The following NMNAT2 variants were observed in gnomAD, a reference collection of about 807,000 sequenced individuals.
NMNAT2 encodes nicotinamide/nicotinic acid mononucleotide adenylyltransferase 2.
Under a neutral mutation model 41.6 loss-of-function variants are expected in NMNAT2, and 11 were observed. The observed-to-expected ratio is 0.26, with a 90% CI of 0.17 to 0.44. NMNAT2 has a LOEUF of 0.44. Ranked by LOEUF, NMNAT2 falls within the 20% of genes least tolerant of loss-of-function variation. NMNAT2 has a pLI of 1.00. For synonymous variants in NMNAT2, 148 were observed against 151.2 expected (o/e 0.98, Z 0.16); for missense variants, 288 against 407.7 (o/e 0.71, Z 2.53).
intron 1 of NMNAT2, among the ~76,000 whole-genome samples, chr1:183,305,328 G>C (rs1361358612): frequency 6.6e-6 from 1 of 152,132 alleles, no homozygotes; most frequent in Non-Finnish European, 1.5e-5. Flanking sequence ...TAGAGTGGAA[G>C]GTGGGGAGGA....
At chr1:183,358,082 G>A (rs561687336) in intron 1 of NMNAT2, among the ~76,000 whole-genome samples, 60 of 152,308 alleles carry the variant, frequency 3.9e-4, no homozygotes, top group African/African-American at 1.4e-3. Context: ...GGAATACTAT[G>A]CAGCCATAAC....
intron 1 of NMNAT2, among the ~76,000 whole-genome samples, chr1:183,322,528 C>G (rs879892386): frequency 6.6e-6 from 1 of 152,178 alleles, no homozygotes; most frequent in Non-Finnish European, 1.5e-5. Context: ...TACTCCTGCT[C>G]CTCCAAAGCT....
intron 1 of NMNAT2, among the ~76,000 whole-genome samples, chr1:183,359,903 G>A (rs1441374481): frequency 6.6e-6 from 1 of 152,136 alleles, no homozygotes; most frequent in East Asian, 1.9e-4. Flanking sequence ...TTTTCTCACA[G>A]CATTTTAGAA....
intron 1 of NMNAT2, chr1:183,305,021 C>T: frequency 2.5e-6 from 1 of 397,666 alleles, no homozygotes; most frequent in Non-Finnish European, 4.1e-6. Context: ...ATCCTTTCCA[C>T]TGGAAAAACT....
intron 1 of NMNAT2, among the ~76,000 whole-genome samples, chr1:183,317,633 C>T (rs1662280947): frequency 6.6e-6 from 1 of 152,190 alleles, no homozygotes; most frequent in South Asian, 2.1e-4. Flanking sequence ...ATCAAGTCAC[C>T]TCTTGCCAGT....
At position 183,286,645 on chromosome 1, in the gene NMNAT2, C is replaced by A; in HGVS notation, c.448+17G>T. 6.3e-7 allele frequency: 1 copy of A among 1,596,918 alleles called. No homozygotes were observed. The highest frequency in any genetic ancestry group is 8.5e-7 in the Non-Finnish European group (1 of 1,170,892). On this transcript the variant is annotated intron_variant, in intron 5 of 10. Coordinates refer to ENST00000287713, the MANE Select transcript of NMNAT2 (RefSeq NM_015039.4). ...ATGATTCTGAGGTCTGAGAATCACA[C>A]ATCAGTGTTCCCCTACCTGCAGTGG...
intron 1 of NMNAT2, among the ~76,000 whole-genome samples, chr1:183,397,143 A>G (rs1260403904): frequency 1.3e-5 from 2 of 152,104 alleles, no homozygotes; most frequent in East Asian, 1.9e-4. Context: ...TGTACTTTTT[A>G]CTTTGCAATA....
chr1:183,349,489 C>A (rs1571613460), intron 1 of NMNAT2, among the ~76,000 whole-genome samples: 1 of 152,248 alleles, frequency 6.6e-6, no homozygotes, highest in East Asian at 1.9e-4. Context: ...CCAGCCCCCG[C>A]TGAGAATTTT....
At chr1:183,314,488 C>T (rs1662197293) in intron 1 of NMNAT2, among the ~76,000 whole-genome samples, 1 of 152,192 alleles carries the variant, frequency 6.6e-6, no homozygotes, top group Non-Finnish European at 1.5e-5. Context: ...TTCTTTGCAT[C>T]CCCAGCATCT....
intron 1 of NMNAT2, among the ~76,000 whole-genome samples, chr1:183,301,878 A>C (rs922797633): frequency 2.0e-5 from 3 of 152,218 alleles, no homozygotes; most frequent in African/African-American, 7.2e-5. Flanking sequence ...CCGTGGTCAC[A>C]GCATCAACAC....
chr1:183,347,979 C>T (rs1322841593), intron 1 of NMNAT2, among the ~76,000 whole-genome samples: 3 of 152,096 alleles, frequency 2.0e-5, no homozygotes, highest in African/African-American at 4.8e-5. Flanking sequence ...AAAGGTAACC[C>T]CAAGGAGATT....
intron 1 of NMNAT2, among the ~76,000 whole-genome samples, chr1:183,334,072 T>C (rs1294194110): frequency 6.6e-6 from 1 of 152,238 alleles, no homozygotes; most frequent in Non-Finnish European, 1.5e-5. Context: ...CCTCACCGTC[T>C]CATTTTTTTT....
intron 1 of NMNAT2, among the ~76,000 whole-genome samples, chr1:183,333,976 A>T (rs1442324471): frequency 6.6e-6 from 1 of 152,154 alleles, no homozygotes; most frequent in Non-Finnish European, 1.5e-5. Flanking sequence ...AAATGATCTC[A>T]TTGTTCCCAG....
intron 1 of NMNAT2, among the ~76,000 whole-genome samples, chr1:183,345,967 T>G (rs1032871450): frequency 6.6e-6 from 1 of 152,214 alleles, no homozygotes; most frequent in Non-Finnish European, 1.5e-5. Context: ...ATTACAGTCG[T>G]GAGCCATTGA....
At chr1:183,330,444 G>C (rs1024283524) in intron 1 of NMNAT2, among the ~76,000 whole-genome samples, 1 of 152,190 alleles carries the variant, frequency 6.6e-6, no homozygotes, top group African/African-American at 2.4e-5. Context: ...CAGAACAAAG[G>C]AGGGTGGGAC....
intron 4 of NMNAT2, 27 bp downstream of exon 4, chr1:183,290,101 C>T (rs1271649008): frequency 8.4e-6 from 13 of 1,546,330 alleles, no homozygotes; most frequent in African/African-American, 5.5e-5. Flanking sequence ...TGGTGGTTCA[C>T]GCATCCCCAG....
intron 1 of NMNAT2, among the ~76,000 whole-genome samples, chr1:183,389,742 A>C (rs1022631782): frequency 1.8e-3 from 13 of 7,200 alleles, no homozygotes; most frequent in African/African-American, 3.3e-3. Context: ...TCAAAAAAGA[A>C]AGAAAGAAAG....
chr1:183,262,865 T>A (rs182657788), intron 8 of NMNAT2, among the ~76,000 whole-genome samples: 23 of 152,320 alleles, frequency 1.5e-4, no homozygotes, highest in African/African-American at 5.5e-4. Context: ...AGGAGGTAGG[T>A]GGCTTCTAAG....
intron 1 of NMNAT2, among the ~76,000 whole-genome samples, chr1:183,327,411 C>G (rs1426912731): frequency 6.6e-6 from 1 of 152,212 alleles, no homozygotes; most frequent in East Asian, 1.9e-4. Context: ...GATAACTTCT[C>G]TCAGTTCACA....
Sources: allele counts gnomAD v4.1 joint callset (sites outside exome capture counted in the v4.1 genomes callset), GRCh38; gene constraint gnomAD v4.1.1; transcripts MANE v1.5; gene names NCBI Gene and HGNC (gene_info 2026-07-23, HGNC 2026-07-21).